Variants in ZPBP observed in about 807,000 individuals in gnomAD.
The protein encoded by ZPBP is zona pellucida-binding protein 1.
Under a neutral mutation model 44.8 loss-of-function variants are expected in ZPBP, and 26 were observed. The ratio of observed to expected loss-of-function variants is 0.58; its 90% CI spans 0.43 to 0.81. ZPBP has a LOEUF of 0.81. ZPBP is among the 30% of genes least tolerant of loss of function. ZPBP has a pLI of 0.00. For missense variants in ZPBP, 409 were observed against 434.0 expected (o/e 0.94, Z 0.51); for synonymous variants, 174 against 153.2 (o/e 1.14, Z -1.00).
chr7:49,981,786 A>G (rs111219788), intron 7 of ZPBP, among the ~76,000 whole-genome samples: 10,657 of 73,674 alleles, frequency 0.14, 1,855 homozygotes, highest in African/African-American at 0.23. Context: ...TGAATTATAT[A>G]GATTATATAA....
At chr7:49,957,648 T>C (rs971370214) in intron 7 of ZPBP, among the ~76,000 whole-genome samples, 23 of 152,160 alleles carry the variant, frequency 1.5e-4, no homozygotes, top group African/African-American at 5.3e-4. Context: ...TCCTCCACCT[T>C]TATTTCAAAG....
intron 2 of ZPBP, among the ~76,000 whole-genome samples, chr7:49,885,133 A>G (rs1216530514): frequency 6.6e-6 from 1 of 152,110 alleles, no homozygotes; most frequent in Non-Finnish European, 1.5e-5. Flanking sequence ...GTATCTCTAA[A>G]GGAGAAACAG....
chr7:49,943,400 T>G (rs1794969359), intron 7 of ZPBP: 3 of 396,076 alleles, frequency 7.6e-6, no homozygotes, highest in Non-Finnish European at 1.4e-5. Context: ...TTTCCAGATA[T>G]TTCATCTACA....
chr7:49,891,023 T>G (rs1048734559), intron 2 of ZPBP, among the ~76,000 whole-genome samples: 2 of 152,172 alleles, frequency 1.3e-5, no homozygotes, highest in African/African-American at 4.8e-5. Flanking sequence ...TTAAGCCAAA[T>G]ATATTCATTA....
At chr7:50,067,478 AGCAGAAGTTTCTATAG>A (rs1432143698) in intron 3 of ZPBP, among the ~76,000 whole-genome samples, 3 of 152,172 alleles carry the variant, frequency 2.0e-5, no homozygotes, top group Admixed American at 1.3e-4. Context: ...CTGCTTTCTA[AGCAGAAGTTTCTATAG>A]GCAAAGACTG....
intron 2 of ZPBP, among the ~76,000 whole-genome samples, chr7:49,885,636 A>G (rs906400879): frequency 6.6e-6 from 1 of 152,236 alleles, no homozygotes; most frequent in Admixed American, 6.5e-5. Context: ...ACCTCCTCTC[A>G]TTTTATTCTG....
intron 7 of ZPBP, among the ~76,000 whole-genome samples, chr7:49,949,527 T>C (rs1795242549): frequency 1.3e-5 from 2 of 152,158 alleles, no homozygotes; most frequent in East Asian, 3.9e-4. Flanking sequence ...AAGCCAGTCA[T>C]AAAAAGACAA....
chr7:49,891,173 T>G (rs1792111454), intron 2 of ZPBP, among the ~76,000 whole-genome samples: 1 of 152,184 alleles, frequency 6.6e-6, no homozygotes, highest in Non-Finnish European at 1.5e-5. Context: ...GATACAAATA[T>G]GGACCCTATA....
chr7:50,015,143 A>G (rs1311430658), intron 6 of ZPBP, among the ~76,000 whole-genome samples: 2 of 152,138 alleles, frequency 1.3e-5, no homozygotes, highest in East Asian at 3.9e-4. Context: ...AGCAAACCAA[A>G]TAAGAAACTT....
At chr7:49,914,859 A>T (rs1388772240) in intron 1 of ZPBP, 3 of 152,208 alleles carry the variant, frequency 2.0e-5, no homozygotes, top group Non-Finnish European at 4.4e-5. Context: ...GGGCCTCAGA[A>T]TTCAAGTATA....
intron 2 of ZPBP, among the ~76,000 whole-genome samples, chr7:49,855,843 C>T (rs1052342477): frequency 6.6e-6 from 1 of 152,124 alleles, no homozygotes; most frequent in Non-Finnish European, 1.5e-5. Flanking sequence ...TCCCAGAGCA[C>T]CTGGCTCCCC....
At chr7:50,008,433 T>C (rs1798413942) in intron 6 of ZPBP, among the ~76,000 whole-genome samples, 1 of 152,076 alleles carries the variant, frequency 6.6e-6, no homozygotes, top group Non-Finnish European at 1.5e-5. Context: ...ATTTAAGATG[T>C]TAATACAACC....
chr7:49,946,138 T>G (rs1277811251), intron 7 of ZPBP, among the ~76,000 whole-genome samples: 1 of 152,166 alleles, frequency 6.6e-6, no homozygotes, highest in African/African-American at 2.4e-5. Flanking sequence ...TTTTAGCTTT[T>G]TGTTGTTTCT....
chr7:49,894,695 G>A (rs1293413879), intron 2 of ZPBP, among the ~76,000 whole-genome samples: 2 of 152,182 alleles, frequency 1.3e-5, no homozygotes, highest in African/African-American at 4.8e-5. Context: ...AGCGTGGGTG[G>A]GGGCCTAGGG....
At chr7:49,948,242 T>G (rs547673924) in intron 7 of ZPBP, among the ~76,000 whole-genome samples, 3 of 152,326 alleles carry the variant, frequency 2.0e-5, no homozygotes, top group Admixed American at 1.3e-4. Context: ...TGCTTTTTTG[T>G]GTGGACAGTT....
intron 7 of ZPBP, among the ~76,000 whole-genome samples, chr7:49,963,991 G>A (rs909755876): frequency 4.0e-5 from 6 of 151,606 alleles, no homozygotes; most frequent in Non-Finnish European, 8.9e-5. Flanking sequence ...ATGATAAAGT[G>A]GAGTTTGATA....
intron 1 of ZPBP, among the ~76,000 whole-genome samples, chr7:49,928,990 C>T (rs978986796): frequency 6.6e-6 from 1 of 152,188 alleles, no homozygotes; most frequent in African/African-American, 2.4e-5. Context: ...ACACTCTGAG[C>T]ATACTTGTAC....
chr7:49,959,829 G>A (rs1381037940), intron 7 of ZPBP, among the ~76,000 whole-genome samples: 2 of 152,174 alleles, frequency 1.3e-5, no homozygotes, highest in African/African-American at 2.4e-5. Flanking sequence ...ATTATCCTAT[G>A]TGATTTCAAT....
intron 4 of ZPBP, among the ~76,000 whole-genome samples, chr7:50,054,118 T>C (rs1196384017): frequency 1.3e-5 from 2 of 152,138 alleles, no homozygotes; most frequent in African/African-American, 4.8e-5. Flanking sequence ...GTCGAACTCC[T>C]GGCCATAAGT....
Sources: gnomAD v4.1 joint callset for allele counts (sites outside exome capture counted in the v4.1 genomes callset) on GRCh38, gnomAD v4.1.1 for gene constraint, MANE v1.5 for transcripts, NCBI Gene and HGNC (gene_info 2026-07-23, HGNC 2026-07-21) for gene names.